NAB1: variants seen among roughly 807,000 people sequenced by gnomAD.
The protein encoded by NAB1 is NGFI-A-binding protein 1.
Under a neutral mutation model 49.9 loss-of-function variants are expected in NAB1, and 25 were observed. That is an observed-to-expected ratio of 0.50 (90% confidence interval 0.37 to 0.70). The LOEUF is 0.70. NAB1 is among the 30% of genes least tolerant of loss of function. The pLI, the probability that NAB1 is intolerant of heterozygous loss-of-function variation, is 0.00. For synonymous variants in NAB1, 198 were observed against 215.6 expected (o/e 0.92, Z 0.71); for missense variants, 489 against 575.9 (o/e 0.85, Z 1.54).
In NAB1 at chr2:190,690,271, C is replaced by T; in HGVS notation, c.1402C>T (p.Pro468Ser). Residue 468 changes from proline (P) to serine (S), a missense_variant, in exon 10 of 10, where the codon CCT (proline) becomes TCT (serine). Transcript: ENST00000337386. ...GAGCCTTGGGATTTTAAAAGACTACCCTCATTCAGCTTTTACCTTAGAAAA... is the reference window on the plus strand; with the variant it reads ...GAGCCTTGGGATTTTAAAAGACTACTCTCATTCAGCTTTTACCTTAGAAAA... The part of the protein sequence containing the change: ...SESLGILKDY[P>S]HSAFTLEKKV... 1.2e-6 allele frequency: 2 copies of T among 1,612,094 alleles called. No homozygotes were observed. Among genetic ancestry groups the T allele is most frequent in the Non-Finnish European group, 1.7e-6 (2 of 1,178,680 alleles).
chr2:190,658,259 T>C (rs1694031809), intron 3 of NAB1, among the ~76,000 whole-genome samples: 3 of 152,206 alleles, frequency 2.0e-5, no homozygotes, highest in African/African-American at 7.2e-5. Context: ...AGTTAGATTC[T>C]AGTCTATTAT....
Position 190,667,381 on chromosome 2 carries a change from C to T in NAB1, c.820-2945C>T, listed in dbSNP as rs906638765. Reference sequence around the variant, plus strand: ...AGATTTATTAATATGAAAAATAAATCGCTACATAAAAAGCTATTTGAGAAT... The same window carrying T: ...AGATTTATTAATATGAAAAATAAATTGCTACATAAAAAGCTATTTGAGAAT... On this transcript the variant is annotated intron_variant, in intron 4 of 9. Coordinates refer to ENST00000337386, the MANE Select transcript of NAB1 (RefSeq NM_005966.4). This position sits in a 1 kb window ranked among gnomAD's most constrained non-coding sequence, Gnocchi z 4.4. Among the ~76,000 whole-genome samples, 2 of 152,236 alleles carry T rather than the reference C, an allele frequency of 1.3e-5. No individual in the cohort carries two copies. Among genetic ancestry groups the T allele is most frequent in the Admixed American group, 6.5e-5 (1 of 15,290 alleles).
At position 190,680,562 on chromosome 2, in the gene NAB1, T is replaced by C. The variant is rs1428270634; in HGVS notation, c.1006-3176T>C. ...GAGGCATGGCCATCTTGTTTGACGT[T>C]GTATTCCCATATTGAGTACAGTGTA... is the stretch of plus-strand genomic sequence containing the variant. On this transcript the variant is annotated intron_variant, in intron 6 of 9. Coordinates refer to ENST00000337386, the MANE Select transcript of NAB1 (RefSeq NM_005966.4). The surrounding 1 kb of genome is among the most constrained non-coding windows in gnomAD (Gnocchi z 5.2). Among the ~76,000 whole-genome samples, 1 of 152,248 alleles carries C rather than the reference T, an allele frequency of 6.6e-6. No homozygotes were observed. The highest frequency in any genetic ancestry group is 2.4e-5 in the African/African-American group (1 of 41,462).
intron 6 of NAB1, among the ~76,000 whole-genome samples, chr2:190,681,556 G>A (rs764424394): frequency 2.0e-5 from 3 of 152,224 alleles, no homozygotes; most frequent in Non-Finnish European, 4.4e-5. Flanking sequence ...ACATCTGTGA[G>A]CCAACATGGA....
In NAB1 at chr2:190,654,376, T is replaced by G. The variant is rs1390093180; in HGVS notation, c.-196-1601T>G. On this transcript the variant is annotated intron_variant, in intron 2 of 9. Coordinates refer to ENST00000337386, the MANE Select transcript of NAB1 (RefSeq NM_005966.4). This position sits in a 1 kb window ranked among gnomAD's most constrained non-coding sequence, Gnocchi z 5.6. ...GGCTTAGTTGTTGGTGTTATTTGAA[T>G]AAGTTCAAAATGTAAGAGAGACAAA... Among the ~76,000 whole-genome samples the G allele has an allele frequency of 6.6e-6, 1 of 152,170 alleles. No individual in the cohort carries two copies. The highest frequency in any genetic ancestry group is 1.5e-5 in the Non-Finnish European group (1 of 68,018).
Position 190,687,395 on chromosome 2 carries a change from CAAAAAAA to C in NAB1, c.1375+96_1375+102del, listed in dbSNP as rs60742412. 1,283 of 161,292 alleles carry C rather than the reference CAAAAAAA, an allele frequency of 8.0e-3. 1 individual carries two copies. The highest frequency in any genetic ancestry group is 0.012 in the South Asian group (118 of 9,592). The allele number at this position is 161,292 out of a possible 1,614,324, so 10.0% of individuals were successfully genotyped here. ...AATTCTGTTCTATTTCCTCCCCCAT[CAAAAAAA>C]AAAAAAAAAAAAAAAAAGTCATTAC... On this transcript the variant is annotated intron_variant, in intron 9 of 9. Coordinates refer to ENST00000337386, the MANE Select transcript of NAB1 (RefSeq NM_005966.4).
rs1040660385 is a variant in NAB1 at position 190,654,412 on chromosome 2, G to T, written c.-196-1565G>T. ...TGTAAGAGAGACAAAGTGTTGCGGGGTTCAGAGAAGGGAGATGACAGCTGC... is the reference window on the plus strand; with the variant it reads ...TGTAAGAGAGACAAAGTGTTGCGGGTTTCAGAGAAGGGAGATGACAGCTGC... On this transcript the variant is annotated intron_variant, in intron 2 of 9. Transcript: ENST00000337386. This position sits in a 1 kb window ranked among gnomAD's most constrained non-coding sequence, Gnocchi z 5.6. Among the ~76,000 whole-genome samples, 1 of 152,228 alleles carries T rather than the reference G, an allele frequency of 6.6e-6. No individual in the cohort carries two copies. The highest frequency in any genetic ancestry group is 2.4e-5 in the African/African-American group (1 of 41,462).
In NAB1 at chr2:190,656,096, G is replaced by A. The variant is rs1284570752; in HGVS notation, c.-77G>A. The stretch of plus-strand genomic sequence containing the variant: ...AGTTAACTGGTTTCTCTTAACTGTG[G>A]AATTCATTGAAAAGTCAGACTCCGA... On this transcript the variant is annotated 5_prime_UTR_variant, in exon 3 of 10. Transcript: ENST00000337386. The A allele has an allele frequency of 6.6e-6, 1 of 152,202 alleles. No homozygotes were observed. The highest frequency in any genetic ancestry group is 6.5e-5 in the Admixed American group (1 of 15,280). The allele number at this position is 152,202 out of a possible 1,614,324, so 9.4% of individuals were successfully genotyped here.
chr2:190,670,676 A>T lies in NAB1; in HGVS notation c.953+217A>T, dbSNP rs762040766. Among the ~76,000 whole-genome samples the T allele has an allele frequency of 1.3e-5, 2 of 152,158 alleles. No individual in the cohort carries two copies. Among genetic ancestry groups the T allele is most frequent in the Non-Finnish European group, 2.9e-5 (2 of 68,034 alleles). ...TTTTGAAAGGCATCATTCTCTAGTT[A>T]CTATAGCATTGTTCTGGTAGTGGTT... is the stretch of plus-strand genomic sequence containing the variant. On this transcript the variant is annotated intron_variant, in intron 5 of 9. Transcript: ENST00000337386. This position sits in a 1 kb window ranked among gnomAD's most constrained non-coding sequence, Gnocchi z 5.3.
At position 190,690,292 on chromosome 2, in the gene NAB1, G is replaced by C; in HGVS notation, c.1423G>C (p.Glu475Gln). 6.2e-7 allele frequency: 1 copy of C among 1,612,870 alleles called. No homozygotes were observed. The highest frequency in any genetic ancestry group is 8.5e-7 in the Non-Finnish European group (1 of 1,179,382). The change falls in exon 10 of 10, where the codon GAA (glutamate) becomes CAA (glutamine). Residue 475 changes from glutamate to glutamine, a missense_variant. Glu to Gln is a conservative substitution (Grantham distance 29). This residue lies in a region of NAB1 where 212 missense variants were observed against 199.3 expected (regional missense o/e 1.06). Coordinates refer to ENST00000337386, the MANE Select transcript of NAB1 (RefSeq NM_005966.4). ...KDYPHSAFTL[E>Q]KKVIKTEPED... Reference sequence around the variant, plus strand: ...CTACCCTCATTCAGCTTTTACCTTAGAAAAGAAAGTCATCAAAACAGAGCC... The same window carrying C: ...CTACCCTCATTCAGCTTTTACCTTACAAAAGAAAGTCATCAAAACAGAGCC...
chr2:190,678,829 C>G lies in NAB1; in HGVS notation c.1006-4909C>G, dbSNP rs1695196323. On this transcript the variant is annotated intron_variant, in intron 6 of 9. Transcript: ENST00000337386. This position sits in a 1 kb window ranked among gnomAD's most constrained non-coding sequence, Gnocchi z 4.9. ...AACAGAAGCATTACAATATGCTATT[C>G]ATACAGAAAGTGTGATTAGAAAAAA... Among the ~76,000 whole-genome samples, 1 of 152,186 alleles carries G rather than the reference C, an allele frequency of 6.6e-6. No individual in the cohort carries two copies. Among genetic ancestry groups the G allele is most frequent in the South Asian group, 2.1e-4 (1 of 4,826 alleles).
chr2:190,675,017 G>A lies in NAB1; in HGVS notation c.1005+1865G>A, dbSNP rs189393275. ...TGAAAGATGATATAACTAGTGAGAT[G>A]TTTTATCTCTTGCTCCCCCAGATAA... On this transcript the variant is annotated intron_variant, in intron 6 of 9. Transcript: ENST00000337386. This position sits in a 1 kb window ranked among gnomAD's most constrained non-coding sequence, Gnocchi z 5.2. 6.6e-6 allele frequency among the ~76,000 whole-genome samples: 1 copy of A among 152,230 alleles called. No homozygotes were observed. Among genetic ancestry groups the A allele is most frequent in the African/African-American group, 2.4e-5 (1 of 41,460 alleles).
intron 4 of NAB1, among the ~76,000 whole-genome samples, chr2:190,660,356 A>G (rs1011027920): frequency 4.6e-5 from 7 of 152,250 alleles, no homozygotes; most frequent in South Asian, 2.1e-4. Context: ...ACATTTTTGT[A>G]GGCTTTTTTT....
rs1695982289 is a variant in NAB1 at position 190,692,660 on chromosome 2, T to A, written c.*2327T>A. 1 of 152,652 alleles carries A rather than the reference T, an allele frequency of 6.6e-6. No individual in the cohort carries two copies. Among genetic ancestry groups the A allele is most frequent in the Non-Finnish European group, 1.5e-5 (1 of 68,040 alleles). The allele number at this position is 152,652 out of a possible 1,614,324, so 9.5% of individuals were successfully genotyped here. ...AGGGACCATTTCTCCCCGAGTCTCT[T>A]ACACTTTATTGTGCGATGTCCACGT... On this transcript the variant is annotated 3_prime_UTR_variant, in exon 10 of 10. Transcript: ENST00000337386. This position sits in a 1 kb window ranked among gnomAD's most constrained non-coding sequence, Gnocchi z 5.2.
chr2:190,680,382 C>T lies in NAB1; in HGVS notation c.1006-3356C>T, dbSNP rs1695274332. On this transcript the variant is annotated intron_variant, in intron 6 of 9. Coordinates refer to ENST00000337386, the MANE Select transcript of NAB1 (RefSeq NM_005966.4). The surrounding 1 kb of genome is among the most constrained non-coding windows in gnomAD (Gnocchi z 5.2). ...CCGGCTTCCCAGAGTGTGCCCTGTT[C>T]TTTTTGCCTCCAGGCATCTGTACCA... Among the ~76,000 whole-genome samples, 2 of 152,168 alleles carry T rather than the reference C, an allele frequency of 1.3e-5. No individual in the cohort carries two copies. The highest frequency in any genetic ancestry group is 4.8e-5 in the African/African-American group (2 of 41,438).
chr2:190,680,335 T>C lies in NAB1; in HGVS notation c.1006-3403T>C, dbSNP rs150094232. 2.9e-3 allele frequency among the ~76,000 whole-genome samples: 441 copies of C among 152,360 alleles called. 3 individuals are homozygous for C. The highest frequency in any genetic ancestry group is 0.01 in the African/African-American group (432 of 41,582). Reference sequence around the variant, plus strand: ...CACCTTCCCTCACCACTCCCTCTTTTTCAGTGTATATTGAATATTTTCCGG... The same window carrying C: ...CACCTTCCCTCACCACTCCCTCTTTCTCAGTGTATATTGAATATTTTCCGG... On this transcript the variant is annotated intron_variant, in intron 6 of 9. Transcript: ENST00000337386. The surrounding 1 kb of genome is among the most constrained non-coding windows in gnomAD (Gnocchi z 5.2).
rs139770104 is a variant in NAB1, at chr2:190,663,688, G to A, written c.819+3693G>A. Among the ~76,000 whole-genome samples, 103 of 152,114 alleles carry A rather than the reference G, an allele frequency of 6.8e-4. No individual in the cohort carries two copies. The highest frequency in any genetic ancestry group is 2.4e-3 in the African/African-American group (98 of 41,508). The stretch of plus-strand genomic sequence containing the variant: ...TGTCTCCTCTCTTAGTTATTTTATT[G>A]TTCTTATCTAACTTAATTTGGGTGC... On this transcript the variant is annotated intron_variant, in intron 4 of 9. Coordinates refer to ENST00000337386, the MANE Select transcript of NAB1 (RefSeq NM_005966.4). The surrounding 1 kb of genome is among the most constrained non-coding windows in gnomAD (Gnocchi z 4.2).
chr2:190,665,932 T>C (rs563960250), intron 4 of NAB1, among the ~76,000 whole-genome samples: 1 of 152,302 alleles, frequency 6.6e-6, no homozygotes, highest in South Asian at 2.1e-4. Flanking sequence ...TCTGATGGGC[T>C]GTGGGCTTTG....
At position 190,669,114 on chromosome 2, in the gene NAB1, T is replaced by C. The variant is rs1694673671; in HGVS notation, c.820-1212T>C. ...ACCAAGTGACTGACAGCCAGGAGTA[T>C]AGACAGTGTAGATACACTGGACAAA... On this transcript the variant is annotated intron_variant, in intron 4 of 9. Coordinates refer to ENST00000337386, the MANE Select transcript of NAB1 (RefSeq NM_005966.4). This position sits in a 1 kb window ranked among gnomAD's most constrained non-coding sequence, Gnocchi z 4.3. 6.6e-6 allele frequency among the ~76,000 whole-genome samples: 1 copy of C among 152,180 alleles called. No homozygotes were observed. Among genetic ancestry groups the C allele is most frequent in the Non-Finnish European group, 1.5e-5 (1 of 68,036 alleles).
Sources: allele counts gnomAD v4.1 joint callset (sites outside exome capture counted in the v4.1 genomes callset), GRCh38; gene constraint gnomAD v4.1.1; regional missense constraint gnomAD v4.1.1; non-coding constraint Gnocchi (gnomAD v3.1); transcripts MANE v1.5; gene names NCBI Gene and HGNC (gene_info 2026-07-23, HGNC 2026-07-21).